The following TTLL11 variants were observed in gnomAD, a reference collection of about 807,000 sequenced individuals.
TTLL11 encodes the protein tubulin tyrosine ligase like 11.
Under a neutral mutation model 51.7 loss-of-function variants are expected in TTLL11, and 42 were observed. The ratio of observed to expected loss-of-function variants is 0.81; its 90% confidence interval spans 0.64 to 1.05. The LOEUF (loss-of-function observed/expected upper bound fraction) is 1.05. Ranked by LOEUF, TTLL11 falls within the 50% of genes least tolerant of loss-of-function variation. The probability of loss-of-function intolerance (pLI) is 0.00; values close to 1 mark genes in which losing one functional copy is unlikely to be tolerated. For missense variants in TTLL11, 799 were observed against 940.4 expected (o/e 0.85, Z 1.97); for synonymous variants, 381 against 383.5 (o/e 0.99, Z 0.08).
chr9:121,850,123 G>A (rs1285169063), intron 8 of TTLL11, among the ~76,000 whole-genome samples: 1 of 151,418 alleles, frequency 6.6e-6, no homozygotes, highest in Non-Finnish European at 1.5e-5. Context: ...CTGCACATGT[G>A]GAATGCATGG....
intron 7 of TTLL11, among the ~76,000 whole-genome samples, chr9:121,861,964 G>A (rs142401166): frequency 2.6e-5 from 4 of 152,202 alleles, no homozygotes; most frequent in Non-Finnish European, 5.9e-5. Flanking sequence ...GGCTGACACA[G>A]AATTGCTGGG....
chr9:121,950,967 G>A (rs1473955812), intron 6 of TTLL11, among the ~76,000 whole-genome samples: 1 of 152,142 alleles, frequency 6.6e-6, no homozygotes, highest in Non-Finnish European at 1.5e-5. Context: ...GATGACGAGG[G>A]GACAAGGAGG....
At chr9:121,889,279 G>A (rs1839131539) in intron 6 of TTLL11, among the ~76,000 whole-genome samples, 1 of 152,254 alleles carries the variant, frequency 6.6e-6, no homozygotes, top group African/African-American at 2.4e-5. Flanking sequence ...ATAAGAGGCT[G>A]GAGGTGCACG....
intron 6 of TTLL11, among the ~76,000 whole-genome samples, chr9:121,951,125 T>C (rs1330509462): frequency 2.0e-5 from 3 of 152,196 alleles, no homozygotes; most frequent in Non-Finnish European, 4.4e-5. Flanking sequence ...AAATTCCCAC[T>C]AATGATTTCT....
At chr9:121,828,563 A>G (rs1019842406) in intron 8 of TTLL11, among the ~76,000 whole-genome samples, 1 of 152,174 alleles carries the variant, frequency 6.6e-6, no homozygotes, top group Non-Finnish European at 1.5e-5. Flanking sequence ...TAATGGTTGC[A>G]TAACTGTCCA....
At chr9:121,834,060 C>T (rs530252762) in intron 8 of TTLL11, among the ~76,000 whole-genome samples, 1 of 152,328 alleles carries the variant, frequency 6.6e-6, no homozygotes, top group Admixed American at 6.5e-5. Flanking sequence ...GGAAATAAAG[C>T]TGAATGATCT....
intron 2 of TTLL11, among the ~76,000 whole-genome samples, chr9:122,036,203 T>C (rs898397617): frequency 1.1e-4 from 16 of 152,118 alleles, no homozygotes; most frequent in Non-Finnish European, 1.6e-4. Flanking sequence ...TGTGTCTTTA[T>C]AGCCCCAGAG....
rs1843301189 is a variant in TTLL11, at chr9:121,997,212, C to T, written c.694-7442G>A. Among the ~76,000 whole-genome samples the T allele has an allele frequency of 2.8e-5, 4 of 145,298 alleles. No individual in the cohort carries two copies. In the South Asian group the frequency reaches 6.9e-4, roughly 25 times the overall value. On this transcript the variant is annotated intron_variant, in intron 3 of 8. Transcript: ENST00000321582. ...CAAAAAAGCCTCTCTAGAACACGCC[C>T]GGGACACTGAAACCTGTTTGATAGG...
chr9:121,873,712 G>A (rs1256933941), intron 6 of TTLL11, among the ~76,000 whole-genome samples: 1 of 151,642 alleles, frequency 6.6e-6, no homozygotes. Flanking sequence ...AGGCTGGAGT[G>A]CAGTGGTACA....
intron 8 of TTLL11, among the ~76,000 whole-genome samples, chr9:121,844,310 C>A (rs868568433): frequency 6.6e-6 from 1 of 151,370 alleles, no homozygotes; most frequent in East Asian, 1.9e-4. Context: ...AAAAACAAAA[C>A]AAAAAAAACA....
intron 6 of TTLL11, among the ~76,000 whole-genome samples, chr9:121,942,993 C>T (rs1841541468): frequency 6.6e-6 from 1 of 152,126 alleles, no homozygotes; most frequent in Non-Finnish European, 1.5e-5. Flanking sequence ...GTACAGTAGA[C>T]CCTTGGCGCT....
chr9:122,021,465 A>T (rs1421729351), intron 3 of TTLL11, among the ~76,000 whole-genome samples: 1 of 152,128 alleles, frequency 6.6e-6, no homozygotes, highest in Admixed American at 6.6e-5. Context: ...CCTGAAAAAC[A>T]CCCCCAAAAA....
rs774245065 is a variant in TTLL11 at position 122,092,680 on chromosome 9, G to T, written c.462+7C>A. 79 of 1,536,628 alleles carry T rather than the reference G, an allele frequency of 5.1e-5. No homozygotes were observed. Among genetic ancestry groups the T allele is most frequent in the Non-Finnish European group, 6.8e-5 (78 of 1,146,798 alleles). On this transcript the variant is annotated splice_region_variant and intron_variant, in intron 1 of 8. Transcript: ENST00000321582. The stretch of plus-strand genomic sequence containing the variant: ...TGCCCACGCGGCCGGGTCGGGCCGG[G>T]CCTCACCTCCTTCCACTTGAGCTGG...
At chr9:121,914,435 T>G (rs995007342) in intron 6 of TTLL11, among the ~76,000 whole-genome samples, 2 of 152,246 alleles carry the variant, frequency 1.3e-5, no homozygotes, top group African/African-American at 2.4e-5. Flanking sequence ...GGGCATGGAA[T>G]GACGGTTGAT....
intron 7 of TTLL11, among the ~76,000 whole-genome samples, chr9:121,870,068 T>G (rs1054145150): frequency 6.6e-6 from 1 of 152,244 alleles, no homozygotes; most frequent in Non-Finnish European, 1.5e-5. Flanking sequence ...AGCTGAGTTA[T>G]TTAACTTTTC....
chr9:121,945,521 C>T (rs899618763), intron 6 of TTLL11, among the ~76,000 whole-genome samples: 3 of 152,188 alleles, frequency 2.0e-5, no homozygotes, highest in Non-Finnish European at 4.4e-5. Flanking sequence ...AAAGTGTCCA[C>T]GAGGTCCTCC....
rs766262272 is a variant in TTLL11, at chr9:121,985,508, C to CTTTTT, written c.1269+3686_1269+3687insAAAAA. Among the ~76,000 whole-genome samples the CTTTTT allele has an allele frequency of 1.6e-3, 206 of 131,234 alleles. 4 individuals are homozygous for CTTTTT. The highest frequency in any genetic ancestry group is 4.7e-3 in the African/African-American group (156 of 33,110). The allele number at this position is 131,234 out of a possible 152,430, so 86.1% of individuals were successfully genotyped here. On this transcript the variant is annotated intron_variant, in intron 4 of 8. Coordinates refer to ENST00000321582, the MANE Select transcript of TTLL11 (RefSeq NM_001139442.2). ...TCCAAGGAGAAAAGGATACCATTTT[C>CTTTTT]TTTTCTTTTTTTTTTTTTTTTTTTT... is the stretch of plus-strand genomic sequence containing the variant.
intron 6 of TTLL11, among the ~76,000 whole-genome samples, chr9:121,921,788 A>C (rs2131526823): frequency 1.3e-5 from 2 of 152,352 alleles, no homozygotes; most frequent in South Asian, 4.1e-4. Flanking sequence ...GAGGCCTGCA[A>C]GGAAGCCTTG....
intron 6 of TTLL11, among the ~76,000 whole-genome samples, chr9:121,876,253 G>A (rs973136575): frequency 1.3e-5 from 2 of 152,194 alleles, no homozygotes; most frequent in Non-Finnish European, 2.9e-5. Context: ...ATGTATAAGT[G>A]GTATATAGTT....
Sources: allele counts gnomAD v4.1 joint callset (sites outside exome capture counted in the v4.1 genomes callset), GRCh38; gene constraint gnomAD v4.1.1; transcripts MANE v1.5; gene names NCBI Gene and HGNC (gene_info 2026-07-23, HGNC 2026-07-21).